Variants in SSTR3 observed in about 807,000 individuals in gnomAD.
SSTR3 encodes somatostatin receptor 3, also known as somatostatin receptor type 3.
For synonymous variants in SSTR3, 281 were observed against 269.2 expected, an observed-to-expected ratio of 1.04 and a Z score of -0.43; for missense variants, 504 against 604.7, an observed-to-expected ratio of 0.83 and a Z score of 1.75.
upstream of SSTR3, among the ~76,000 whole-genome samples, chr22:37,213,824 GC>G (rs1926322631): frequency 1.3e-5 from 2 of 152,166 alleles, no homozygotes; most frequent in Non-Finnish European, 2.9e-5. Flanking sequence ...GATTCCTGCC[GC>G]CTGCGCGGGC....
chr22:37,217,671 G>GT, the SSTR3 span, among the ~76,000 whole-genome samples: 49,670 of 151,556 alleles, frequency 0.33, 8,900 homozygotes, highest in Non-Finnish European at 0.42. Context: ...GCTCTCTCCT[G>GT]TTTTTTATTT....
the SSTR3 span, among the ~76,000 whole-genome samples, chr22:37,217,687 T>G: frequency 4.6e-5 from 7 of 151,108 alleles, no homozygotes; most frequent in South Asian, 4.2e-4. Flanking sequence ...TATTTTATTT[T>G]TTTGTTTGTT....
Position 37,206,297 on chromosome 22 carries a change from C to A in SSTR3, c.*250G>T. On this transcript the variant is annotated 3_prime_UTR_variant, in exon 2 of 2. Transcript: ENST00000610913. ...GCCAGGTCAGCCCAGCAACAGTGCC[C>A]TCCAAACCTCTCATCTGACATAGCT... is the stretch of plus-strand genomic sequence containing the variant. 1 of 540,530 alleles carries A rather than the reference C, an allele frequency of 1.9e-6. No homozygotes were observed. 33.5% of individuals were successfully genotyped at this position (540,530 alleles called of 1,614,324 possible).
chr22:37,210,916 A>G (rs559139731), intron 1 of SSTR3: 1 of 985,520 alleles, frequency 1.0e-6, no homozygotes, highest in Admixed American at 6.1e-5. Context: ...CCGTTCAACA[A>G]GGAGAGCTCC....
the SSTR3 span, among the ~76,000 whole-genome samples, chr22:37,220,164 G>A: frequency 1.3e-5 from 2 of 152,194 alleles, no homozygotes; most frequent in Non-Finnish European, 2.9e-5. Context: ...CACCAAGAGA[G>A]AAGCAGGAGG....
chr22:37,206,463 G>T lies in SSTR3; in HGVS notation c.*84C>A. Reference sequence around the variant, plus strand: ...CAGGCCCCTCAACATCCCATCATGGGCCTGTGGCACCTTGGGAAGTAGGCC... The same window carrying T: ...CAGGCCCCTCAACATCCCATCATGGTCCTGTGGCACCTTGGGAAGTAGGCC... On this transcript the variant is annotated 3_prime_UTR_variant, in exon 2 of 2. Transcript: ENST00000610913. 6.6e-7 allele frequency: 1 copy of T among 1,504,882 alleles called. No individual in the cohort carries two copies. 93.2% of individuals were successfully genotyped at this position (1,504,882 alleles called of 1,614,324 possible).
chr22:37,219,207 C>T, the SSTR3 span, among the ~76,000 whole-genome samples: 4 of 152,166 alleles, frequency 2.6e-5, no homozygotes, highest in East Asian at 1.9e-4. Flanking sequence ...CGCCTTGAGA[C>T]GAGAGTCTCT....
rs952318206 is a variant in SSTR3 at position 37,207,719 on chromosome 22, C to T, written c.85G>A (p.Gly29Ser). 3.9e-6 allele frequency: 6 copies of T among 1,535,994 alleles called. No individual in the cohort carries two copies. The highest frequency in any genetic ancestry group is 2.1e-5 in the Admixed American group (1 of 48,576). Residue 29 changes from glycine (G) to serine (S), a missense_variant, in exon 2 of 2, where the codon GGC becomes AGC. Transcript: ENST00000610913. ...SSAWPPDATLGNVSAGPSPAG... is the reference protein window; with the variant it reads ...SSAWPPDATLSNVSAGPSPAG... ...GGGCTTGGGCCCGCCGACACGTTGCCCAGGGTGGCATCTGGGGGCCAGGCC... is the reference window on the plus strand; with the variant it reads ...GGGCTTGGGCCCGCCGACACGTTGCTCAGGGTGGCATCTGGGGGCCAGGCC...
chr22:37,207,696 G>A lies in SSTR3; in HGVS notation c.108C>T (p.Ser36=). 2 of 1,556,660 alleles carry A rather than the reference G, an allele frequency of 1.3e-6. No individual in the cohort carries two copies. Among genetic ancestry groups the A allele is most frequent in the East Asian group, 2.3e-5 (1 of 44,228 alleles). The change falls in exon 2 of 2, where the codon AGC becomes AGT. Residue 36 remains serine, a synonymous_variant. Transcript: ENST00000610913. Reference sequence around the variant, plus strand: ...CGCCACTGACGGCCAGCCCTGCCGGGCTTGGGCCCGCCGACACGTTGCCCA... The same window carrying A: ...CGCCACTGACGGCCAGCCCTGCCGGACTTGGGCCCGCCGACACGTTGCCCA... ...ATLGNVSAGP[S]PAGLAVSGVL... is the part of the protein sequence containing the mutation.
At position 37,205,810 on chromosome 22, in the gene SSTR3, A is replaced by C. The variant is rs536399577; in HGVS notation, c.*737T>G. The C allele has an allele frequency of 6.6e-6, 1 of 152,320 alleles. No individual in the cohort carries two copies. Among genetic ancestry groups the C allele is most frequent in the East Asian group, 1.9e-4 (1 of 5,176 alleles). 9.4% of individuals were successfully genotyped at this position (152,320 alleles called of 1,614,324 possible). ...TTTAAGAAAACGAATACAAAATGAC[A>C]AGTACAAAAGTAGATGCAGGGCCTT... On this transcript the variant is annotated 3_prime_UTR_variant, in exon 2 of 2. Transcript: ENST00000610913.
the SSTR3 span, among the ~76,000 whole-genome samples, chr22:37,220,042 A>C: frequency 6.6e-6 from 1 of 152,232 alleles, no homozygotes; most frequent in African/African-American, 2.4e-5. Context: ...CAAAACACGC[A>C]GGTCCTTCTG....
upstream of SSTR3, among the ~76,000 whole-genome samples, chr22:37,214,517 G>A (rs942746421): frequency 7.2e-5 from 11 of 152,122 alleles, 1 homozygote; most frequent in South Asian, 4.1e-4. Context: ...TCATTTGGGC[G>A]GGAGGCGGGG....
At chr22:37,212,511 G>A (rs1259721981), upstream of SSTR3, among the ~76,000 whole-genome samples, 2 of 150,328 alleles carry the variant, frequency 1.3e-5, no homozygotes, top group Non-Finnish European at 3.0e-5. Context: ...GAGAGCAGGT[G>A]TGGGGGGTGG....
upstream of SSTR3, among the ~76,000 whole-genome samples, chr22:37,216,192 T>G (rs1036740979): frequency 7.5e-5 from 1 of 13,308 alleles, no homozygotes; most frequent in African/African-American, 2.6e-4. Context: ...CCCCCATCCC[T>G]CCCACCCCCC....
At position 37,212,226 on chromosome 22, in the gene SSTR3, A is replaced by C; in HGVS notation, c.-438T>G. The C allele has an allele frequency of 2.6e-6, 2 of 780,548 alleles. No homozygotes were observed. The highest frequency in any genetic ancestry group is 3.1e-6 in the Non-Finnish European group (2 of 644,018). 48.4% of individuals were successfully genotyped at this position (780,548 alleles called of 1,614,324 possible). ...GGTGGAGAAAGAGAGAGAGAGAGAA[A>C]GAGGGAGGGGGAGAGAGAGAGAGGG... On this transcript the variant is annotated 5_prime_UTR_variant, in exon 1 of 2. Transcript: ENST00000610913.
chr22:37,211,371 G>A (rs532465417), intron 1 of SSTR3, among the ~76,000 whole-genome samples: 9 of 152,336 alleles, frequency 5.9e-5, no homozygotes, highest in East Asian at 1.9e-4. Flanking sequence ...GCTGCACAGC[G>A]ATGATGCCAA....
At position 37,211,965 on chromosome 22, in the gene SSTR3, C is replaced by T. The variant is rs534198703; in HGVS notation, c.-177G>A. The T allele has an allele frequency of 2.4e-5, 24 of 985,674 alleles. No individual in the cohort carries two copies. In the South Asian group the frequency reaches 8.0e-4, roughly 33 times the overall value. 61.1% of individuals were successfully genotyped at this position (985,674 alleles called of 1,614,324 possible). ...AAGGCACCCACTTCTAGACCGCTTG[C>T]GGGCTCAGGTTCCCTCCCAGGCCCT... On this transcript the variant is annotated 5_prime_UTR_variant, in exon 1 of 2. Transcript: ENST00000610913.
chr22:37,206,571 G>A lies in SSTR3; in HGVS notation c.1233C>T (p.Ser411=), dbSNP rs1262774882. Residue 411 remains serine, a synonymous_variant, in exon 2 of 2, where the codon AGC becomes AGT. Coordinates refer to ENST00000610913, the MANE Select transcript of SSTR3 (RefSeq NM_001051.5). ...PQEASTGEKS[S]TMRISYL The stretch of plus-strand genomic sequence containing the variant: ...CCTACAGGTAGCTGATGCGCATCGT[G>A]CTGGACTTCTCCCCAGTGGAAGCCT... 4 of 1,611,522 alleles carry A rather than the reference G, an allele frequency of 2.5e-6. No homozygotes were observed. The highest frequency in any genetic ancestry group is 1.7e-5 in the Admixed American group (1 of 59,956).
chr22:37,216,358 G>T (rs1926444845), upstream of SSTR3, among the ~76,000 whole-genome samples: 4 of 151,938 alleles, frequency 2.6e-5, no homozygotes, highest in Admixed American at 2.6e-4. Context: ...CATTTCTTAC[G>T]CACTCTCACC....
Sources: gnomAD v4.1 joint callset for allele counts (sites outside exome capture counted in the v4.1 genomes callset) on GRCh38, gnomAD v4.1.1 for gene constraint, MANE v1.5 for transcripts, NCBI Gene and HGNC (gene_info 2026-07-23, HGNC 2026-07-21) for gene names.